The following VAPB variants were observed in gnomAD, a reference collection of about 807,000 sequenced individuals.
VAPB encodes VAMP associated protein B and C.
A neutral mutation model predicts 25.6 loss-of-function variants in VAPB; 7 were observed. The observed-to-expected ratio is 0.27, with a 90% CI of 0.16 to 0.51. The LOEUF is 0.51. VAPB is among the 20% of genes least tolerant of loss of function. The pLI is 0.97. For missense variants in VAPB, 266 were observed against 301.3 expected (o/e 0.88, Z 0.87); for synonymous variants, 112 against 109.2 (o/e 1.03, Z -0.16).
intron 2 of VAPB, among the ~76,000 whole-genome samples, chr20:58,423,586 G>A (rs1988722092): frequency 6.6e-6 from 1 of 152,048 alleles, no homozygotes. Context: ...TAGCTGTTTG[G>A]TGGCCCTGGA....
At chr20:58,413,623 C>T (rs1988437040) in intron 1 of VAPB, among the ~76,000 whole-genome samples, 1 of 151,910 alleles carries the variant, frequency 6.6e-6, no homozygotes, top group Non-Finnish European at 1.5e-5. Flanking sequence ...CACAAAGCCG[C>T]CATTGTCATC....
rs1012615402 is a variant in VAPB, at chr20:58,450,651, C to T, written c.*6416C>T. The T allele has an allele frequency of 9.7e-5, 44 of 453,912 alleles. No homozygotes were observed. Among genetic ancestry groups the T allele is most frequent in the East Asian group, 3.5e-4 (5 of 14,406 alleles). 28.1% of individuals were successfully genotyped at this position (453,912 alleles called of 1,614,324 possible). A position where few individuals can be genotyped will look rare whatever the true frequency, so the allele number is the denominator to read the frequency against. ...CCCATGCTGTTCTCTCCCTATTCTA[C>T]GTCTTTCTCCCTATGTTGAAAAAAG... On this transcript the variant is annotated 3_prime_UTR_variant, in exon 6 of 6. Coordinates refer to ENST00000475243, the MANE Select transcript of VAPB (RefSeq NM_004738.5).
intron 2 of VAPB, among the ~76,000 whole-genome samples, chr20:58,427,356 A>G (rs1568713682): frequency 1.3e-5 from 2 of 150,280 alleles, no homozygotes; most frequent in Non-Finnish European, 1.5e-5. Context: ...TGTTACCATT[A>G]TGATGCAGGT....
At chr20:58,401,397 G>A (rs1467081780) in intron 1 of VAPB, among the ~76,000 whole-genome samples, 1 of 152,152 alleles carries the variant, frequency 6.6e-6, no homozygotes, top group East Asian at 1.9e-4. Context: ...ATAGTTTCCT[G>A]TCTTTTTTCT....
intron 2 of VAPB, among the ~76,000 whole-genome samples, chr20:58,424,666 A>C (rs1568712420): frequency 6.6e-6 from 1 of 152,252 alleles, no homozygotes; most frequent in African/African-American, 2.4e-5. Flanking sequence ...ATTTATAAAA[A>C]AGAGTGAATA....
At chr20:58,416,842 C>T (rs759994884) in intron 1 of VAPB, among the ~76,000 whole-genome samples, 125 of 151,908 alleles carry the variant, frequency 8.2e-4, no homozygotes, top group Non-Finnish European at 1.5e-3. Flanking sequence ...AGATAATCCA[C>T]ACACAGGTAG....
chr20:58,427,101 G>C (rs996216897), intron 2 of VAPB, among the ~76,000 whole-genome samples: 1 of 149,068 alleles, frequency 6.7e-6, no homozygotes, highest in East Asian at 2.0e-4. Context: ...TATGATGCAG[G>C]CGAAAGTGAT....
chr20:58,389,259 C>G lies in VAPB; in HGVS notation c.-201C>G, dbSNP rs538204254. ...CCGTCAGCTCGCCGGGCACCGCGGCCTCGCCCTCGCCCTCCGCCCCTGCGC... is the reference window on the plus strand; with the variant it reads ...CCGTCAGCTCGCCGGGCACCGCGGCGTCGCCCTCGCCCTCCGCCCCTGCGC... On this transcript the variant is annotated 5_prime_UTR_variant, in exon 1 of 6. Transcript: ENST00000475243. The G allele has an allele frequency of 8.7e-5, 59 of 674,362 alleles. 1 individual carries two copies. Among genetic ancestry groups the G allele is most frequent in the South Asian group, 8.3e-4 (54 of 65,252 alleles). The allele number at this position is 674,362 out of a possible 1,614,324, so 41.8% of individuals were successfully genotyped here.
chr20:58,397,776 TTG>T (rs1196890105), intron 1 of VAPB, among the ~76,000 whole-genome samples: 2 of 152,174 alleles, frequency 1.3e-5, no homozygotes, highest in Non-Finnish European at 2.9e-5. Context: ...TGACCAGCCA[TTG>T]CCTTGGACAG....
chr20:58,445,529 A>AT lies in VAPB; in HGVS notation c.*1295dup, dbSNP rs1989264124. On this transcript the variant is annotated 3_prime_UTR_variant, in exon 6 of 6. Coordinates refer to ENST00000475243, the MANE Select transcript of VAPB (RefSeq NM_004738.5). ...ATGTAGCATCTTGAAAAGAAAAATT[A>AT]TAATAAAGCCCCAAAATTAAGAATT... is the stretch of plus-strand genomic sequence containing the variant. 2.2e-6 allele frequency: 1 copy of AT among 454,362 alleles called. No individual in the cohort carries two copies. Among genetic ancestry groups the AT allele is most frequent in the Non-Finnish European group, 4.4e-6 (1 of 226,796 alleles). 28.1% of individuals were successfully genotyped at this position (454,362 alleles called of 1,614,324 possible).
rs922355223 is a variant in VAPB at position 58,389,627 on chromosome 20, C to T, written c.58+110C>T. On this transcript the variant is annotated intron_variant, in intron 1 of 5. Transcript: ENST00000475243. ...GGCCCTCGTCCCCACCCCGACGGCGCTGTCGCGGGGGGCGGCGAGGCCGGG... is the reference window on the plus strand; with the variant it reads ...GGCCCTCGTCCCCACCCCGACGGCGTTGTCGCGGGGGGCGGCGAGGCCGGG... 25 of 1,221,778 alleles carry T rather than the reference C, an allele frequency of 2.0e-5. No individual in the cohort carries two copies. The African/African-American group carries it at 3.2e-4, about 16-fold the overall frequency. The allele number at this position is 1,221,778 out of a possible 1,614,324, so 75.7% of individuals were successfully genotyped here. A position where few individuals can be genotyped will look rare whatever the true frequency, so the allele number is the denominator to read the frequency against.
At chr20:58,439,447 A>G (rs914587917) in intron 4 of VAPB, 1 of 219,546 alleles carries the variant, frequency 4.6e-6, no homozygotes. Context: ...TACCCCTTTT[A>G]CCCTATCTAC....
rs557223898 is a variant in VAPB at position 58,414,325 on chromosome 20, AC to A, written c.59-3878del. On this transcript the variant is annotated intron_variant, in intron 1 of 5. Transcript: ENST00000475243. Reference sequence around the variant, plus strand: ...GGGCTGCTGGCCTGGCGGGGGGCTGACCCCCCCCACCTCCCTCCCGGACGGG... The same window carrying A: ...GGGCTGCTGGCCTGGCGGGGGGCTGACCCCCCCACCTCCCTCCCGGACGGG... 3.0e-4 allele frequency among the ~76,000 whole-genome samples: 31 copies of A among 103,258 alleles called. No homozygotes were observed. In the South Asian group the frequency reaches 3.5e-3, roughly 12 times the overall value. 67.7% of individuals were successfully genotyped at this position (103,258 alleles called of 152,430 possible). A position where few individuals can be genotyped will look rare whatever the true frequency, so the allele number is the denominator to read the frequency against.
At chr20:58,430,694 GC>G (rs1270929177) in intron 2 of VAPB, among the ~76,000 whole-genome samples, 2 of 152,068 alleles carry the variant, frequency 1.3e-5, no homozygotes, top group Non-Finnish European at 2.9e-5. Context: ...TCCTGCCTCA[GC>G]CTCCTGAGTA....
chr20:58,450,632 CTGTTCTCT>C lies in VAPB; in HGVS notation c.*6398_*6405del, dbSNP rs1365843515. 1 of 454,094 alleles carries C rather than the reference CTGTTCTCT, an allele frequency of 2.2e-6. No individual in the cohort carries two copies. Among genetic ancestry groups the C allele is most frequent in the Non-Finnish European group, 4.4e-6 (1 of 226,792 alleles). The allele number at this position is 454,094 out of a possible 1,614,324, so 28.1% of individuals were successfully genotyped here. A position where few individuals can be genotyped will look rare whatever the true frequency, so the allele number is the denominator to read the frequency against. On this transcript the variant is annotated 3_prime_UTR_variant, in exon 6 of 6. Coordinates refer to ENST00000475243, the MANE Select transcript of VAPB (RefSeq NM_004738.5). ...GAATAAATGGTTTCAGTAACCCATGCTGTTCTCTCCCTATTCTACGTCTTTCTCCCTAT... is the reference window on the plus strand; with the variant it reads ...GAATAAATGGTTTCAGTAACCCATGCCCCTATTCTACGTCTTTCTCCCTAT...
chr20:58,442,741 T>C (rs556167910), intron 5 of VAPB, among the ~76,000 whole-genome samples: 70 of 152,214 alleles, frequency 4.6e-4, no homozygotes, highest in African/African-American at 1.7e-3. Context: ...GGGAGAGACA[T>C]AGACAGAAGT....
At position 58,449,417 on chromosome 20, in the gene VAPB, T is replaced by G. The variant is rs1227041758; in HGVS notation, c.*5182T>G. Reference sequence around the variant, plus strand: ...AAACGGGTGGAGGTGGATGAGAGGTTGTCTTCATGAATATAATTACTTGAG... The same window carrying G: ...AAACGGGTGGAGGTGGATGAGAGGTGGTCTTCATGAATATAATTACTTGAG... On this transcript the variant is annotated 3_prime_UTR_variant, in exon 6 of 6. Transcript: ENST00000475243. The G allele has an allele frequency of 1.1e-5, 5 of 453,084 alleles. No homozygotes were observed. Among genetic ancestry groups the G allele is most frequent in the Non-Finnish European group, 2.2e-5 (5 of 226,642 alleles). 28.1% of individuals were successfully genotyped at this position (453,084 alleles called of 1,614,324 possible). A position where few individuals can be genotyped will look rare whatever the true frequency, so the allele number is the denominator to read the frequency against.
intron 1 of VAPB, among the ~76,000 whole-genome samples, chr20:58,391,818 C>T (rs1987805911): frequency 6.6e-6 from 1 of 152,200 alleles, no homozygotes. Context: ...CAGGCGTGAG[C>T]CCGGCCACCA....
In VAPB at chr20:58,389,396, A is replaced by G; in HGVS notation, c.-64A>G. 1 of 1,529,226 alleles carries G rather than the reference A, an allele frequency of 6.5e-7. No individual in the cohort carries two copies. The highest frequency in any genetic ancestry group is 8.8e-7 in the Non-Finnish European group (1 of 1,131,152). 94.7% of individuals were successfully genotyped at this position (1,529,226 alleles called of 1,614,324 possible). On this transcript the variant is annotated 5_prime_UTR_variant, in exon 1 of 6. Coordinates refer to ENST00000475243, the MANE Select transcript of VAPB (RefSeq NM_004738.5). ...AAAACTTAAAGCGGGCGCAGCATTA[A>G]CGCTTCCCGCCCCGGTGACCTCTCA...
Sources: gnomAD v4.1 joint callset for allele counts (sites outside exome capture counted in the v4.1 genomes callset) on GRCh38, gnomAD v4.1.1 for gene constraint, MANE v1.5 for transcripts, NCBI Gene and HGNC (gene_info 2026-07-23, HGNC 2026-07-21) for gene names.